AGBL1: variants seen among roughly 807,000 people sequenced by gnomAD.
AGBL1 encodes the protein cytosolic carboxypeptidase 4.
AGBL1 carries 130 observed loss-of-function variants against 118.9 expected under a neutral mutation model. The observed-to-expected ratio is 1.09, with a 90% CI of 0.95 to 1.26. The LOEUF is 1.26. AGBL1 is among the 50% of genes most tolerant of loss of function. AGBL1 has a pLI of 0.00. For synonymous variants in AGBL1, 555 were observed against 478.9 expected, an observed-to-expected ratio of 1.16 and a Z score of -2.08; for missense variants, 1,584 against 1,298.1, an observed-to-expected ratio of 1.22 and a Z score of -3.38.
intron 18 of AGBL1, among the ~76,000 whole-genome samples, chr15:86,467,211 C>T (rs1318625572): frequency 6.6e-6 from 1 of 152,152 alleles, no homozygotes; most frequent in Non-Finnish European, 1.5e-5. Flanking sequence ...GCTACAGAGG[C>T]TTTGGAGAGC....
chr15:86,881,837 T>C (rs1006859823), intron 22 of AGBL1, among the ~76,000 whole-genome samples: 5 of 152,186 alleles, frequency 3.3e-5, no homozygotes, highest in African/African-American at 4.8e-5. Flanking sequence ...AGTTTTGCCA[T>C]GTGGGCTAGG....
chr15:86,495,669 T>C (rs1188754222), intron 18 of AGBL1, among the ~76,000 whole-genome samples: 2 of 151,968 alleles, frequency 1.3e-5, no homozygotes, highest in African/African-American at 2.4e-5. Flanking sequence ...AACAACCTGG[T>C]CTCTACAGTA....
At chr15:86,236,343 CTTTT>C (rs10531800) in intron 6 of AGBL1, among the ~76,000 whole-genome samples, 27,153 of 143,596 alleles carry the variant, frequency 0.19, 2,990 homozygotes, top group African/African-American at 0.31. Flanking sequence ...GAAACTACTA[CTTTT>C]TTTTTTTTTT....
chr15:86,878,692 GT>G (rs1332423822), intron 22 of AGBL1, among the ~76,000 whole-genome samples: 5 of 151,976 alleles, frequency 3.3e-5, no homozygotes, highest in Admixed American at 3.3e-4. Flanking sequence ...TTAAGGCTCT[GT>G]TTCTGAGAGT....
At chr15:86,596,239 A>G (rs1392036251) in intron 21 of AGBL1, among the ~76,000 whole-genome samples, 1 of 151,934 alleles carries the variant, frequency 6.6e-6, no homozygotes, top group Non-Finnish European at 1.5e-5. Context: ...GCCCTCCCTA[A>G]TGATCATTTA....
rs557046747 is a variant in AGBL1, at chr15:86,263,312, T to C, written c.1086+418T>C. Among the ~76,000 whole-genome samples the C allele has an allele frequency of 2.0e-5, 3 of 152,336 alleles. No individual in the cohort carries two copies. The South Asian group carries it at 6.2e-4, about 32-fold the overall frequency. ...CACTTTAACATGCTGTACAGGTTTG[T>C]AGCCTAGGAGCAACAGGCCACACCA... is the stretch of plus-strand genomic sequence containing the variant. On this transcript the variant is annotated intron_variant, in intron 10 of 22. Transcript: ENST00000614907.
intron 17 of AGBL1, among the ~76,000 whole-genome samples, chr15:86,362,581 G>T (rs2080821153): frequency 6.6e-6 from 1 of 152,286 alleles, no homozygotes; most frequent in African/African-American, 2.4e-5. Context: ...TGGACAGAGA[G>T]TACTGGCCCT....
At chr15:87,010,953 C>T (rs1007738692) in intron 24 of AGBL1, among the ~76,000 whole-genome samples, 1 of 152,184 alleles carries the variant, frequency 6.6e-6, no homozygotes, top group African/African-American at 2.4e-5. Context: ...AAAGATCAAA[C>T]AGAGACAAAG....
chr15:86,554,599 C>G (rs2083707287), intron 21 of AGBL1, 62 bp downstream of exon 21: 1 of 1,350,906 alleles, frequency 7.4e-7, no homozygotes, highest in African/African-American at 1.5e-5. Flanking sequence ...AAATTATAGA[C>G]AGCTCGTACC....
At chr15:86,353,983 A>G (rs985600123) in intron 17 of AGBL1, among the ~76,000 whole-genome samples, 1 of 152,214 alleles carries the variant, frequency 6.6e-6, no homozygotes, top group Non-Finnish European at 1.5e-5. Flanking sequence ...GTGCTGATAT[A>G]TTACAGAACA....
chr15:86,431,047 AGAACCTG>A (rs1207810510), intron 18 of AGBL1, among the ~76,000 whole-genome samples: 1 of 152,206 alleles, frequency 6.6e-6, no homozygotes, highest in African/African-American at 2.4e-5. Context: ...AGCTGGGATT[AGAACCTG>A]GTCTATCTTG....
At chr15:86,264,912 G>T in intron 11 of AGBL1, 74 bp downstream of exon 11, 1 of 1,320,056 alleles carries the variant, frequency 7.6e-7, no homozygotes, top group Non-Finnish European at 1.0e-6. Context: ...GGTTTGTACA[G>T]ATAATTCTAC....
intron 21 of AGBL1, among the ~76,000 whole-genome samples, chr15:86,581,420 C>G (rs2084170611): frequency 6.6e-6 from 1 of 152,086 alleles, no homozygotes; most frequent in Non-Finnish European, 1.5e-5. Flanking sequence ...TTTTCTCATT[C>G]AGATAAATTA....
intron 18 of AGBL1, among the ~76,000 whole-genome samples, chr15:86,420,534 T>G (rs891213728): frequency 6.6e-6 from 1 of 152,090 alleles, no homozygotes; most frequent in Non-Finnish European, 1.5e-5. Context: ...TGCTGAAAAT[T>G]CCAAAAACCA....
intron 22 of AGBL1, among the ~76,000 whole-genome samples, chr15:86,827,341 GTA>G (rs1170412268): frequency 0.043 from 108 of 2,488 alleles, 24 homozygotes; most frequent in Middle Eastern, 0.17. Flanking sequence ...ATATATATGT[GTA>G]TATATATATA....
At chr15:86,496,321 T>C (rs180729545) in intron 18 of AGBL1, among the ~76,000 whole-genome samples, 3 of 152,194 alleles carry the variant, frequency 2.0e-5, no homozygotes, top group Admixed American at 6.5e-5. Context: ...TCCTCAGCCA[T>C]GTGGAACTGT....
At chr15:87,026,674 G>T (rs958980276) in intron 24 of AGBL1, among the ~76,000 whole-genome samples, 7 of 151,226 alleles carry the variant, frequency 4.6e-5, no homozygotes, top group African/African-American at 1.7e-4. Flanking sequence ...ATACAAAAAA[G>T]ATACTTGCAC....
intron 5 of AGBL1, among the ~76,000 whole-genome samples, chr15:86,160,928 G>T (rs1234079199): frequency 6.6e-6 from 1 of 152,112 alleles, no homozygotes. Flanking sequence ...CCTCATTCAG[G>T]CCAAACTTGT....
At chr15:86,707,633 CA>C (rs1251337369) in intron 22 of AGBL1, among the ~76,000 whole-genome samples, 1 of 152,044 alleles carries the variant, frequency 6.6e-6, no homozygotes, top group Admixed American at 6.6e-5. Flanking sequence ...GAAACCACAC[CA>C]AAGAAAAGCA....
Sources: gnomAD v4.1 joint callset for allele counts (sites outside exome capture counted in the v4.1 genomes callset) on GRCh38, gnomAD v4.1.1 for gene constraint, MANE v1.5 for transcripts, NCBI Gene and HGNC (gene_info 2026-07-23, HGNC 2026-07-21) for gene names.